ZC3HAV1: variants seen among roughly 807,000 people sequenced by gnomAD.
ZC3HAV1 encodes zinc finger CCCH-type antiviral protein 1.
ZC3HAV1 carries 41 observed loss-of-function variants against 86.6 expected under a neutral mutation model. The observed-to-expected ratio is 0.47, with a 90% CI of 0.37 to 0.61. ZC3HAV1 has a LOEUF of 0.61. Among genes scored for constraint, ZC3HAV1 ranks in the 20% least tolerant of loss-of-function variants. ZC3HAV1 has a pLI of 0.00. For missense variants in ZC3HAV1, 964 were observed against 1,141.1 expected (o/e 0.84, Z 2.24); for synonymous variants, 421 against 432.1 (o/e 0.97, Z 0.32).
intron 4 of ZC3HAV1, 58 bp from the exon 5 acceptor site, chr7:139,078,711 A>G: frequency 4.7e-6 from 6 of 1,269,652 alleles, no homozygotes; most frequent in Non-Finnish European, 6.5e-6. Context: ...CAAAAATCAA[A>G]GCACTTGGTC....
intron 1 of ZC3HAV1, among the ~76,000 whole-genome samples, chr7:139,090,468 T>G (rs1180453518): frequency 6.6e-6 from 1 of 152,208 alleles, no homozygotes; most frequent in African/African-American, 2.4e-5. Context: ...GAATTTAATT[T>G]CTATTAACTC....
intron 7 of ZC3HAV1, among the ~76,000 whole-genome samples, chr7:139,072,809 G>A (rs116421989): frequency 0.011 from 1,657 of 152,166 alleles, 29 homozygotes; most frequent in African/African-American, 0.038. Flanking sequence ...ACATTCCCTG[G>A]TCTAATTAAC....
intron 1 of ZC3HAV1, among the ~76,000 whole-genome samples, chr7:139,097,421 TATATA>T (rs1817628452): frequency 2.4e-5 from 2 of 84,330 alleles, no homozygotes; most frequent in African/African-American, 1.2e-4. Flanking sequence ...TATATATATA[TATATA>T]TATTTTTTTT....
chr7:139,101,104 C>T (rs189742848), intron 1 of ZC3HAV1, among the ~76,000 whole-genome samples: 43 of 152,324 alleles, frequency 2.8e-4, no homozygotes, highest in African/African-American at 1.0e-3. Context: ...CTCGGCCTCC[C>T]GAGGTGCCGG....
chr7:139,079,247 T>A, intron 4 of ZC3HAV1: 1 of 1,536,740 alleles, frequency 6.5e-7, no homozygotes. Flanking sequence ...AGTGCTGACT[T>A]GTGCAGGGGC....
chr7:139,062,293 C>T (rs774126438), intron 8 of ZC3HAV1, among the ~76,000 whole-genome samples: 2 of 152,104 alleles, frequency 1.3e-5, no homozygotes, highest in Non-Finnish European at 2.9e-5. Flanking sequence ...AAAATCTTCC[C>T]GGGACCTCCG....
intron 7 of ZC3HAV1, among the ~76,000 whole-genome samples, chr7:139,071,127 T>C (rs1454808526): frequency 6.6e-6 from 1 of 151,024 alleles, no homozygotes; most frequent in Non-Finnish European, 1.5e-5. Context: ...TTTGGAGTCT[T>C]ACTCTGTCAC....
chr7:139,104,819 C>G (rs1161517631), intron 1 of ZC3HAV1, among the ~76,000 whole-genome samples: 1 of 150,132 alleles, frequency 6.7e-6, no homozygotes, highest in African/African-American at 2.5e-5. Context: ...ATTGCTTAAG[C>G]CTAGGAGTTT....
At chr7:139,096,013 T>TTTTG (rs1034801796) in intron 1 of ZC3HAV1, among the ~76,000 whole-genome samples, 23 of 152,096 alleles carry the variant, frequency 1.5e-4, no homozygotes, top group Non-Finnish European at 2.6e-4. Flanking sequence ...CAATGTTTTT[T>TTTTG]TTTGTTTGTT....
intron 9 of ZC3HAV1, among the ~76,000 whole-genome samples, chr7:139,057,348 C>T (rs539729465): frequency 4.2e-4 from 53 of 126,552 alleles, no homozygotes; most frequent in African/African-American, 1.4e-3. Flanking sequence ...CAGAGTGAGA[C>T]TCTTTCTCAA....
Position 139,064,869 on chromosome 7 carries a change from A to G in ZC3HAV1, c.1993+10T>C. The G allele has an allele frequency of 6.2e-7, 1 of 1,614,114 alleles. No homozygotes were observed. The highest frequency in any genetic ancestry group is 8.5e-7 in the Non-Finnish European group (1 of 1,179,968). ...AATGACACACAACACTGCCAAACAC[A>G]GAAACCCACCTTGGAAACTCAGCTC... On this transcript the variant is annotated intron_variant, in intron 8 of 12. Transcript: ENST00000242351.
Position 139,079,976 on chromosome 7 carries a change from C to T in ZC3HAV1, c.965G>A (p.Ser322Asn). The change falls in exon 4 of 13, where the codon AGT (serine) becomes AAT (asparagine). Residue 322 changes from serine (S) to asparagine (N), a missense_variant. Ser to Asn is a conservative substitution (Grantham distance 46). Transcript: ENST00000242351. ...AAACCTCTGGCTTGTCCCGGCCTGA[C>T]TTGTTCCTCCAAGATCAGTAGCCTT... ...SSKATDLGGT[S>N]QAGTSQRFLE... The T allele has an allele frequency of 6.2e-7, 1 of 1,614,188 alleles. No individual in the cohort carries two copies. Among genetic ancestry groups the T allele is most frequent in the Non-Finnish European group, 8.5e-7 (1 of 1,180,030 alleles).
At chr7:139,105,782 T>A (rs1338400057) in intron 1 of ZC3HAV1, among the ~76,000 whole-genome samples, 1 of 152,184 alleles carries the variant, frequency 6.6e-6, no homozygotes, top group Non-Finnish European at 1.5e-5. Context: ...CATTAACTGG[T>A]AATCTACAAA....
chr7:139,075,654 G>A (rs1425146836), intron 6 of ZC3HAV1, among the ~76,000 whole-genome samples: 1 of 152,110 alleles, frequency 6.6e-6, no homozygotes, highest in Non-Finnish European at 1.5e-5. Context: ...TGCCCAGGCT[G>A]ATCTCGAACT....
At chr7:139,082,240 G>C (rs1432901962) in intron 3 of ZC3HAV1, among the ~76,000 whole-genome samples, 3 of 151,756 alleles carry the variant, frequency 2.0e-5, no homozygotes, top group African/African-American at 7.3e-5. Context: ...CTGAACTCCA[G>C]CCTGGGTGAC....
intron 1 of ZC3HAV1, among the ~76,000 whole-genome samples, chr7:139,105,956 T>G (rs1207660527): frequency 6.6e-6 from 1 of 152,130 alleles, no homozygotes; most frequent in African/African-American, 2.4e-5. Context: ...CAACACTTTA[T>G]ACATTAATAG....
At chr7:139,080,962 C>T (rs1347586475) in intron 3 of ZC3HAV1, among the ~76,000 whole-genome samples, 1 of 152,156 alleles carries the variant, frequency 6.6e-6, no homozygotes, top group African/African-American at 2.4e-5. Context: ...GGAAATTTTT[C>T]CAGTTTTCTT....
chr7:139,068,582 A>G (rs1290556774), intron 7 of ZC3HAV1, among the ~76,000 whole-genome samples: 1 of 152,164 alleles, frequency 6.6e-6, no homozygotes, highest in African/African-American at 2.4e-5. Flanking sequence ...TTAATTTTTT[A>G]TGTGTTTAAT....
intron 8 of ZC3HAV1, among the ~76,000 whole-genome samples, chr7:139,062,227 CCACACACACA>C (rs10547164): frequency 1.6e-4 from 24 of 148,904 alleles, no homozygotes; most frequent in Middle Eastern, 3.5e-3. Flanking sequence ...CAAACATAAA[CCACACACACA>C]CACACACACA....
Sources: allele counts gnomAD v4.1 joint callset (sites outside exome capture counted in the v4.1 genomes callset), GRCh38; gene constraint gnomAD v4.1.1; transcripts MANE v1.5; gene names NCBI Gene and HGNC (gene_info 2026-07-23, HGNC 2026-07-21).